The following STK4 variants were observed in gnomAD, a reference collection of about 807,000 sequenced individuals.
STK4 encodes the protein serine/threonine kinase 4.
In STK4, 30 loss-of-function variants were observed where a neutral mutation model predicts 64.9. The observed-to-expected ratio is 0.46, with a 90% confidence interval of 0.35 to 0.63. STK4 has a LOEUF of 0.63. STK4 is among the 20% of genes least tolerant of loss of function. The probability of loss-of-function intolerance (pLI) is 0.01; values close to 1 mark genes in which losing one functional copy is unlikely to be tolerated. For missense variants in STK4, 466 were observed against 598.5 expected, an observed-to-expected ratio of 0.78 and a Z score of 2.31; for synonymous variants, 177 against 199.0, an observed-to-expected ratio of 0.89 and a Z score of 0.93.
rs535473714 is a variant in STK4, at chr20:44,997,696, C to T, written c.831+390C>T. 5.9e-5 allele frequency among the ~76,000 whole-genome samples: 9 copies of T among 152,118 alleles called. No homozygotes were observed. In the South Asian group the frequency reaches 1.5e-3, roughly 25 times the overall value. The stretch of plus-strand genomic sequence containing the variant: ...TGAGCAATAGAGTGAGACGCTATCT[C>T]GAAAAACAAAGTAAAAGAAGTTTAA... On this transcript the variant is annotated intron_variant, in intron 7 of 10. Transcript: ENST00000372806.
chr20:44,985,767 T>C (rs147005837), intron 4 of STK4, among the ~76,000 whole-genome samples: 1 of 152,364 alleles, frequency 6.6e-6, no homozygotes, highest in East Asian at 1.9e-4. Context: ...TCCTATTTTA[T>C]AGATTGGGAA....
chr20:45,027,457 A>G (rs958613782), intron 10 of STK4, among the ~76,000 whole-genome samples: 3 of 150,846 alleles, frequency 2.0e-5, no homozygotes, highest in Non-Finnish European at 4.4e-5. Context: ...AAAAGAAGTT[A>G]GCAATTTTGA....
At chr20:45,026,318 A>AGTGTGTGTGTGTGTGT (rs113148879) in intron 10 of STK4, among the ~76,000 whole-genome samples, 108 of 145,788 alleles carry the variant, frequency 7.4e-4, no homozygotes, top group African/African-American at 1.7e-3. Flanking sequence ...AGACAGAAAG[A>AGTGTGTGTGTGTGTGT]GTGTGTGTGT....
At chr20:45,026,056 T>C (rs899296746) in intron 10 of STK4, among the ~76,000 whole-genome samples, 2 of 151,006 alleles carry the variant, frequency 1.3e-5, no homozygotes, top group Non-Finnish European at 2.9e-5. Context: ...AACTGATTAG[T>C]CACTGAACCC....
chr20:45,057,956 C>G (rs961990418), intron 10 of STK4, among the ~76,000 whole-genome samples: 2 of 151,858 alleles, frequency 1.3e-5, no homozygotes, highest in South Asian at 2.1e-4. Flanking sequence ...CATACTAATG[C>G]TTTTACAGAA....
Position 44,972,250 on chromosome 20 carries a change from T to C in STK4, c.116+92T>C, listed in dbSNP as rs557094636. ...AAGGATATGAACCTTTCAGCATTGTTCTAGGTGGGGTGGAAGGTAAATTTA... is the reference window on the plus strand; with the variant it reads ...AAGGATATGAACCTTTCAGCATTGTCCTAGGTGGGGTGGAAGGTAAATTTA... On this transcript the variant is annotated intron_variant, in intron 2 of 10. Coordinates refer to ENST00000372806, the MANE Select transcript of STK4 (RefSeq NM_006282.5). 1.8e-5 allele frequency: 21 copies of C among 1,145,144 alleles called. No individual in the cohort carries two copies. In the East Asian group the frequency reaches 4.8e-4, roughly 26 times the overall value. 70.9% of individuals were successfully genotyped at this position (1,145,144 alleles called of 1,614,324 possible).
intron 5 of STK4, among the ~76,000 whole-genome samples, chr20:44,988,544 T>TATATATATATAC: frequency 7.5e-6 from 1 of 132,622 alleles, no homozygotes; most frequent in Admixed American, 7.4e-5. Context: ...TATATATATA[T>TATATATATATAC]ATATATATAT....
intron 6 of STK4, among the ~76,000 whole-genome samples, chr20:44,996,482 GAGA>G (rs954915667): frequency 1.3e-5 from 2 of 152,058 alleles, no homozygotes. Flanking sequence ...TCTTTTTTGG[GAGA>G]AGGAGTGAGG....
chr20:44,994,156 A>G (rs2067685714), intron 5 of STK4, among the ~76,000 whole-genome samples: 1 of 151,744 alleles, frequency 6.6e-6, no homozygotes, highest in Non-Finnish European at 1.5e-5. Flanking sequence ...TATTTTTTAT[A>G]TATCAAGTTT....
chr20:45,006,736 T>C (rs984408796), intron 9 of STK4, among the ~76,000 whole-genome samples: 6 of 152,196 alleles, frequency 3.9e-5, no homozygotes, highest in Admixed American at 3.3e-4. Context: ...ATTGTATTTC[T>C]AGAAGTTGAT....
intron 9 of STK4, among the ~76,000 whole-genome samples, chr20:45,009,235 C>T (rs2068002881): frequency 6.6e-6 from 1 of 152,184 alleles, no homozygotes; most frequent in Non-Finnish European, 1.5e-5. Context: ...TAAGGATCCA[C>T]TTTCAATCTT....
intron 10 of STK4, among the ~76,000 whole-genome samples, chr20:45,051,289 G>A (rs927113913): frequency 3.9e-5 from 6 of 152,100 alleles, no homozygotes; most frequent in Non-Finnish European, 8.8e-5. Flanking sequence ...AAAGTAAGGT[G>A]GTCCTTCTGT....
At chr20:44,982,994 G>T (rs1182634233) in intron 4 of STK4, among the ~76,000 whole-genome samples, 1 of 152,210 alleles carries the variant, frequency 6.6e-6, no homozygotes, top group African/African-American at 2.4e-5. Context: ...CAGAAGTGGT[G>T]ACGTTTACAG....
intron 10 of STK4, among the ~76,000 whole-genome samples, chr20:45,073,516 A>G (rs1678960045): frequency 6.6e-6 from 1 of 152,006 alleles, no homozygotes. Context: ...CTCCTATACT[A>G]CTTTCCTGTG....
In STK4 at chr20:45,079,235, A is replaced by T. The variant is rs889955567; in HGVS notation, c.*4059A>T. ...CGTCTCAAAAAAAAAGAAGAAGTAG[A>T]TAATCTGAATAGCCCTATATCTATA... On this transcript the variant is annotated 3_prime_UTR_variant, in exon 11 of 11. Coordinates refer to ENST00000372806, the MANE Select transcript of STK4 (RefSeq NM_006282.5). 1 of 152,140 alleles carries T rather than the reference A, an allele frequency of 6.6e-6. No homozygotes were observed. Among genetic ancestry groups the T allele is most frequent in the African/African-American group, 2.4e-5 (1 of 41,424 alleles). 9.4% of individuals were successfully genotyped at this position (152,140 alleles called of 1,614,324 possible).
At position 44,995,115 on chromosome 20, in the gene STK4, T is replaced by C; in HGVS notation, c.551T>C (p.Val184Ala). Residue 184 changes from valine (V) to alanine (A), a missense_variant, in exon 6 of 11, where the codon GTG becomes GCG. This residue lies in a region of STK4 where 190 missense variants were observed against 289.7 expected (regional missense o/e 0.66). Coordinates refer to ENST00000372806, the MANE Select transcript of STK4 (RefSeq NM_006282.5). ...GATACCATGGCCAAGCGGAATACAG[T>C]GATAGGAACACCATTTTGGATGGCT... Reference protein sequence around the residue: ...LTDTMAKRNTVIGTPFWMAPE... With the variant: ...LTDTMAKRNTAIGTPFWMAPE... 6.2e-7 allele frequency: 1 copy of C among 1,612,552 alleles called. No individual in the cohort carries two copies.
intron 9 of STK4, 49 bp from the exon 10 acceptor site, chr20:45,024,924 C>G: frequency 1.4e-6 from 2 of 1,469,438 alleles, no homozygotes; most frequent in Non-Finnish European, 1.8e-6. Context: ...TTAAACTTAC[C>G]TAAAATTTAG....
At chr20:45,024,061 C>T (rs549287478) in intron 9 of STK4, among the ~76,000 whole-genome samples, 7 of 151,762 alleles carry the variant, frequency 4.6e-5, no homozygotes, top group Admixed American at 1.3e-4. Flanking sequence ...CCACCACGCC[C>T]GGCTAATTTT....
chr20:45,034,859 G>C (rs1405909538), intron 10 of STK4, among the ~76,000 whole-genome samples: 1 of 152,112 alleles, frequency 6.6e-6, no homozygotes, highest in African/African-American at 2.4e-5. Context: ...CGAGGCTGCA[G>C]TGAGCTAGGA....
Sources: gnomAD v4.1 joint callset for allele counts (sites outside exome capture counted in the v4.1 genomes callset) on GRCh38, gnomAD v4.1.1 for gene constraint, gnomAD v4.1.1 regional missense constraint, MANE v1.5 for transcripts, NCBI Gene and HGNC (gene_info 2026-07-23, HGNC 2026-07-21) for gene names.